Variants in CACNA1E observed in about 807,000 individuals in gnomAD.
CACNA1E encodes the protein calcium voltage-gated channel subunit alpha1 E, also known as voltage-dependent R-type calcium channel subunit alpha-1E.
CACNA1E carries 40 observed loss-of-function variants against 259.2 expected under a neutral mutation model. That is an observed-to-expected ratio of 0.15 (90% CI 0.12 to 0.20). The LOEUF is 0.20. Among genes scored for constraint, CACNA1E ranks in the 10% least tolerant of loss-of-function variants. The pLI is 1.00. For synonymous variants in CACNA1E, 1,104 were observed against 1,138.5 expected (o/e 0.97, Z 0.61); for missense variants, 1,874 against 3,040.1 (o/e 0.62, Z 9.02).
At chr1:181,653,593 A>T (rs141236366) in intron 7 of CACNA1E, among the ~76,000 whole-genome samples, 73 of 152,222 alleles carry the variant, frequency 4.8e-4, no homozygotes, top group African/African-American at 1.6e-3. Context: ...AGGAGAATTG[A>T]TTTTCTTCCT....
In CACNA1E at chr1:181,729,620, C is replaced by T. The variant is rs80050737; in HGVS notation, c.2241-1555C>T. On this transcript the variant is annotated intron_variant, in intron 18 of 47. Coordinates refer to ENST00000367573, the MANE Select transcript of CACNA1E (RefSeq NM_001205293.3). ...AGAATGCCACCTGCCCTTCCTATCC[C>T]ACAAGGGCTATTGTGAGGCGTACAC... 1.8e-3 allele frequency among the ~76,000 whole-genome samples: 275 copies of T among 152,276 alleles called. 1 individual carries two copies. Among genetic ancestry groups the T allele is most frequent in the African/African-American group, 5.8e-3 (239 of 41,562 alleles).
At chr1:181,539,577 T>A (rs1423883458) in intron 3 of CACNA1E, among the ~76,000 whole-genome samples, 1 of 152,226 alleles carries the variant, frequency 6.6e-6, no homozygotes, top group Non-Finnish European at 1.5e-5. Context: ...CCTTCTCTAA[T>A]GGTCCTTTTA....
chr1:181,467,116 A>G (rs2102398008), intron 2 of CACNA1E, among the ~76,000 whole-genome samples: 1 of 152,350 alleles, frequency 6.6e-6, no homozygotes, highest in South Asian at 2.1e-4. Context: ...GTAAGTCCTT[A>G]CCAGCAGCTC....
intron 6 of CACNA1E, among the ~76,000 whole-genome samples, chr1:181,644,495 C>T (rs1043858641): frequency 6.6e-6 from 1 of 152,140 alleles, no homozygotes; most frequent in African/African-American, 2.4e-5. Context: ...TACATTGTAT[C>T]CTTTTCCTAA....
At chr1:181,488,863 T>C (rs1664072088) in intron 1 of CACNA1E, among the ~76,000 whole-genome samples, 3 of 152,206 alleles carry the variant, frequency 2.0e-5, no homozygotes, top group Admixed American at 1.3e-4. Context: ...AAATTACTTA[T>C]CTCTTTATAG....
At chr1:181,440,250 C>T (rs1351737785) in intron 2 of CACNA1E, among the ~76,000 whole-genome samples, 3 of 152,056 alleles carry the variant, frequency 2.0e-5, no homozygotes, top group African/African-American at 7.2e-5. Flanking sequence ...GATGAAGGAG[C>T]GAAGAATGGA....
intron 1 of CACNA1E, among the ~76,000 whole-genome samples, chr1:181,360,806 T>C (rs930468852): frequency 1.3e-5 from 2 of 152,150 alleles, no homozygotes; most frequent in African/African-American, 4.8e-5. Context: ...CTTTACAAAA[T>C]ATTTCTGGAC....
At chr1:181,596,703 G>T (rs931653388) in intron 6 of CACNA1E, among the ~76,000 whole-genome samples, 1 of 152,040 alleles carries the variant, frequency 6.6e-6, no homozygotes, top group Non-Finnish European at 1.5e-5. Context: ...GTACAGACTT[G>T]ATAAAGGGTG....
intron 6 of CACNA1E, among the ~76,000 whole-genome samples, chr1:181,626,415 A>G (rs1019694332): frequency 2.6e-5 from 4 of 152,228 alleles, no homozygotes; most frequent in East Asian, 3.8e-4. Context: ...CACTAAAGCC[A>G]GGTTAGAGAA....
chr1:181,765,487 A>T (rs1658941316), intron 34 of CACNA1E, among the ~76,000 whole-genome samples: 1 of 152,218 alleles, frequency 6.6e-6, no homozygotes, highest in Admixed American at 6.5e-5. Flanking sequence ...TCAACACTTC[A>T]TTGGAGAGGG....
At chr1:181,569,761 G>A (rs968690131) in intron 3 of CACNA1E, among the ~76,000 whole-genome samples, 5 of 152,208 alleles carry the variant, frequency 3.3e-5, no homozygotes, top group Non-Finnish European at 5.9e-5. Flanking sequence ...CTCCTTGAGC[G>A]AAGGGCATTT....
At chr1:181,419,771 C>G (rs2102183380) in intron 2 of CACNA1E, among the ~76,000 whole-genome samples, 1 of 152,344 alleles carries the variant, frequency 6.6e-6, no homozygotes, top group South Asian at 2.1e-4. Context: ...CAGCTGAGTT[C>G]CCTGTGTCCA....
Position 181,483,920 on chromosome 1 carries a change from G to A in CACNA1E, c.176G>A (p.Arg59Gln), listed in dbSNP as rs535592986. ...GCTTTGTACAACCCCATTCCCGTCCGGCAGAACTGTTTCACCGTCAACAGA... is the reference window on the plus strand; with the variant it reads ...GCTTTGTACAACCCCATTCCCGTCCAGCAGAACTGTTTCACCGTCAACAGA... ...TMALYNPIPV[R>Q]QNCFTVNRSL... The change falls in exon 1 of 48, where the codon CGG (arginine) becomes CAG (glutamine). Residue 59 changes from arginine to glutamine, a missense_variant. By Grantham distance (43) the Arg-to-Gln change is conservative. Around this residue, in one of 14 missense-constraint regions of CACNA1E, gnomAD observed 110 missense variants for 122.8 expected, o/e 0.90. Coordinates refer to ENST00000367573, the MANE Select transcript of CACNA1E (RefSeq NM_001205293.3). 9 of 1,613,726 alleles carry A rather than the reference G, an allele frequency of 5.6e-6. No individual in the cohort carries two copies. The highest frequency in any genetic ancestry group is 6.8e-6 in the Non-Finnish European group (8 of 1,179,786).
intron 6 of CACNA1E, among the ~76,000 whole-genome samples, chr1:181,629,780 T>C (rs1656535606): frequency 6.6e-6 from 1 of 152,116 alleles, no homozygotes; most frequent in African/African-American, 2.4e-5. Flanking sequence ...CCTGAAATGA[T>C]GCTAAAACTC....
At chr1:181,686,286 T>G (rs1004112769) in intron 7 of CACNA1E, among the ~76,000 whole-genome samples, 2 of 131,464 alleles carry the variant, frequency 1.5e-5, no homozygotes, top group African/African-American at 3.0e-5. Context: ...TTTTTTTTTT[T>G]TTTTTTTTTT....
intron 1 of CACNA1E, among the ~76,000 whole-genome samples, chr1:181,318,832 G>GGA (rs1650124350): frequency 6.6e-6 from 1 of 152,218 alleles, no homozygotes; most frequent in African/African-American, 2.4e-5. Context: ...ATTGGGGCTC[G>GGA]AAGTAGGGGA....
chr1:181,781,794 C>A (rs1305969555), intron 39 of CACNA1E, among the ~76,000 whole-genome samples: 1 of 152,064 alleles, frequency 6.6e-6, no homozygotes, highest in Non-Finnish European at 1.5e-5. Context: ...GAGTGAGTTA[C>A]CTGACAAGCA....
intron 3 of CACNA1E, among the ~76,000 whole-genome samples, chr1:181,529,204 G>T (rs1314749982): frequency 6.6e-6 from 1 of 152,186 alleles, no homozygotes; most frequent in Non-Finnish European, 1.5e-5. Context: ...GGCTTCAGAG[G>T]GTGGAAGCCC....
chr1:181,684,446 T>C (rs1436761188), intron 7 of CACNA1E, among the ~76,000 whole-genome samples: 1 of 152,218 alleles, frequency 6.6e-6, no homozygotes, highest in Non-Finnish European at 1.5e-5. Context: ...ATTCTTTTGT[T>C]AGTTTCTTTT....
Sources: gnomAD v4.1 joint callset for allele counts (sites outside exome capture counted in the v4.1 genomes callset) on GRCh38, gnomAD v4.1.1 for gene constraint, gnomAD v4.1.1 regional missense constraint, MANE v1.5 for transcripts, NCBI Gene and HGNC (gene_info 2026-07-23, HGNC 2026-07-21) for gene names.